The following GMDS variants were observed in gnomAD, a reference collection of about 807,000 sequenced individuals.
GMDS encodes the protein GDP-mannose 4,6-dehydratase.
GMDS carries 20 observed loss-of-function variants against 49.9 expected under a neutral mutation model. The ratio of observed to expected loss-of-function variants is 0.40; its 90% CI spans 0.28 to 0.58. GMDS has a LOEUF of 0.58. Ranked by LOEUF, GMDS falls within the 20% of genes least tolerant of loss-of-function variation. The pLI is 0.42. For synonymous variants in GMDS, 177 were observed against 178.6 expected (o/e 0.99, Z 0.07); for missense variants, 362 against 481.4 (o/e 0.75, Z 2.32).
chr6:2,029,375 C>T (rs1413989787), intron 4 of GMDS, among the ~76,000 whole-genome samples: 1 of 152,160 alleles, frequency 6.6e-6, no homozygotes, highest in African/African-American at 2.4e-5. Flanking sequence ...CCCTCAAATT[C>T]CTTCTCACCA....
chr6:2,053,552 A>T (rs1269281842), intron 4 of GMDS, among the ~76,000 whole-genome samples: 1 of 152,074 alleles, frequency 6.6e-6, no homozygotes, highest in Non-Finnish European at 1.5e-5. Context: ...TATTTTCCAC[A>T]TTGAAACCTA....
intron 1 of GMDS, among the ~76,000 whole-genome samples, chr6:2,156,158 G>C (rs1450930618): frequency 1.3e-5 from 2 of 151,744 alleles, no homozygotes; most frequent in Non-Finnish European, 2.9e-5. Context: ...TCTGATTCGG[G>C]GCTTAGAAAA....
At chr6:1,780,695 C>T (rs1016944828) in intron 7 of GMDS, among the ~76,000 whole-genome samples, 15 of 152,334 alleles carry the variant, frequency 9.8e-5, no homozygotes, top group Admixed American at 2.0e-4. Flanking sequence ...AGCATCAACA[C>T]GCAACGGCTC....
chr6:1,694,637 C>T (rs965321886), intron 9 of GMDS, among the ~76,000 whole-genome samples: 1 of 152,124 alleles, frequency 6.6e-6, no homozygotes, highest in Non-Finnish European at 1.5e-5. Flanking sequence ...CTAGGTGCTC[C>T]CTAGGAGTTA....
chr6:1,955,440 T>G (rs1034077011), intron 6 of GMDS, among the ~76,000 whole-genome samples: 2 of 152,202 alleles, frequency 1.3e-5, no homozygotes, highest in Non-Finnish European at 2.9e-5. Context: ...TATACTACTA[T>G]ATACATTTTC....
chr6:1,954,005 C>T (rs1763500787), intron 6 of GMDS, among the ~76,000 whole-genome samples: 1 of 152,026 alleles, frequency 6.6e-6, no homozygotes, highest in African/African-American at 2.4e-5. Context: ...AAACCTTTTT[C>T]CCTAGAGAGT....
chr6:1,784,399 A>AAAAG (rs1554119180), intron 7 of GMDS, among the ~76,000 whole-genome samples: 4 of 147,232 alleles, frequency 2.7e-5, no homozygotes, highest in Non-Finnish European at 6.0e-5. Flanking sequence ...TCAAAAAAAA[A>AAAAG]AAAAAAAAAA....
chr6:1,679,483 G>C (rs9502999), intron 9 of GMDS: 1 of 152,184 alleles, frequency 6.6e-6, no homozygotes, highest in African/African-American at 2.4e-5. Flanking sequence ...AGGCAAGGGG[G>C]CCCCAGCTAA....
intron 4 of GMDS, among the ~76,000 whole-genome samples, chr6:2,070,327 G>A (rs962337686): frequency 3.3e-5 from 5 of 150,502 alleles, no homozygotes; most frequent in African/African-American, 1.2e-4. Context: ...TAGATGACGA[G>A]TTAGTGGGTG....
chr6:2,239,569 G>C (rs1781516720), intron 1 of GMDS, among the ~76,000 whole-genome samples: 1 of 152,086 alleles, frequency 6.6e-6, no homozygotes, highest in African/African-American at 2.4e-5. Context: ...ACAATTAATT[G>C]GTATCAAAAC....
chr6:2,098,448 T>C (rs554038447), intron 4 of GMDS, among the ~76,000 whole-genome samples: 3 of 152,322 alleles, frequency 2.0e-5, no homozygotes, highest in Admixed American at 2.0e-4. Flanking sequence ...CTATCATAGA[T>C]TAACAAGGAT....
At chr6:2,243,318 A>G (rs1370748453) in intron 1 of GMDS, among the ~76,000 whole-genome samples, 11 of 152,202 alleles carry the variant, frequency 7.2e-5, no homozygotes, top group Admixed American at 3.3e-4. Context: ...GTTCCAGCCA[A>G]ATGACTGCTC....
chr6:1,796,270 T>C (rs1228935391), intron 7 of GMDS, among the ~76,000 whole-genome samples: 2 of 151,978 alleles, frequency 1.3e-5, no homozygotes, highest in Admixed American at 6.5e-5. Flanking sequence ...GGAAGACATG[T>C]AGGAAAAAAA....
intron 1 of GMDS, among the ~76,000 whole-genome samples, chr6:2,157,088 A>G (rs142775192): frequency 2.9e-3 from 446 of 152,360 alleles, no homozygotes; most frequent in Middle Eastern, 0.017. Flanking sequence ...ACTCACTAAA[A>G]ACTCCATTTA....
In GMDS at chr6:1,830,520, T is replaced by C. The variant is rs995559218; in HGVS notation, c.772-87934A>G. On this transcript the variant is annotated intron_variant, in intron 7 of 10. Coordinates refer to ENST00000380815, the MANE Select transcript of GMDS (RefSeq NM_001500.4). ...CAGAGGATATAGTACAGGGGTTCAA[T>C]GTATGTTAAGAAATAAAGACAAGAA... is the stretch of plus-strand genomic sequence containing the variant. Among the ~76,000 whole-genome samples, 4 of 152,200 alleles carry C rather than the reference T, an allele frequency of 2.6e-5. No individual in the cohort carries two copies. The South Asian group carries it at 8.3e-4, about 31-fold the overall frequency.
chr6:1,670,820 C>T lies in GMDS; in HGVS notation c.988-46280G>A, dbSNP rs74851783. Among the ~76,000 whole-genome samples, 288 of 152,300 alleles carry T rather than the reference C, an allele frequency of 1.9e-3. 8 individuals carry two copies. In the East Asian group the frequency reaches 0.05, roughly 26 times the overall value. ...TCATCTGCAGGTCAAACCATGGCCT[C>T]GGGTAAGTACCTAGTACGTTTTTAA... On this transcript the variant is annotated intron_variant, in intron 9 of 10. Coordinates refer to ENST00000380815, the MANE Select transcript of GMDS (RefSeq NM_001500.4).
intron 7 of GMDS, among the ~76,000 whole-genome samples, chr6:1,917,222 G>C (rs1386093858): frequency 6.6e-6 from 1 of 152,050 alleles, no homozygotes; most frequent in Non-Finnish European, 1.5e-5. Flanking sequence ...AAAAAAAAAT[G>C]ACTTTAAAAA....
At chr6:2,106,371 T>C (rs1400439628) in intron 4 of GMDS, among the ~76,000 whole-genome samples, 1 of 152,182 alleles carries the variant, frequency 6.6e-6, no homozygotes, top group South Asian at 2.1e-4. Context: ...GCAAATTTTA[T>C]AAACTCCGCC....
intron 9 of GMDS, among the ~76,000 whole-genome samples, chr6:1,687,803 A>G (rs1034493493): frequency 6.6e-6 from 1 of 151,970 alleles, no homozygotes; most frequent in Non-Finnish European, 1.5e-5. Flanking sequence ...CCCAAGGTGA[A>G]GCTGAAGGGT....
Sources: allele counts gnomAD v4.1 joint callset (sites outside exome capture counted in the v4.1 genomes callset), GRCh38; gene constraint gnomAD v4.1.1; transcripts MANE v1.5; gene names NCBI Gene and HGNC (gene_info 2026-07-23, HGNC 2026-07-21).